DNAJC25: variants seen among roughly 807,000 people sequenced by gnomAD.
The protein encoded by DNAJC25 is dnaJ homolog subfamily C member 25.
Under a neutral mutation model 42.1 loss-of-function variants are expected in DNAJC25, and 26 were observed. That is an observed-to-expected ratio of 0.62 (90% CI 0.45 to 0.86). The LOEUF (loss-of-function observed/expected upper bound fraction) is 0.86. Ranked by LOEUF, DNAJC25 falls within the 40% of genes least tolerant of loss-of-function variation. The probability of loss-of-function intolerance (pLI) is 0.00; values close to 1 mark genes in which losing one functional copy is unlikely to be tolerated. For synonymous variants in DNAJC25, 189 were observed against 179.9 expected (o/e 1.05, Z -0.40); for missense variants, 404 against 459.4 (o/e 0.88, Z 1.10).
intron 3 of DNAJC25, among the ~76,000 whole-genome samples, chr9:111,651,536 C>T (rs1830661229): frequency 1.3e-5 from 2 of 152,034 alleles, no homozygotes; most frequent in South Asian, 4.1e-4. Flanking sequence ...TTTGATGTGG[C>T]TGTGAAACTG....
chr9:111,637,098 T>C (rs1830373499), intron 1 of DNAJC25, among the ~76,000 whole-genome samples: 1 of 152,198 alleles, frequency 6.6e-6, no homozygotes, highest in African/African-American at 2.4e-5. Context: ...TTAATTTAGC[T>C]TGTACAGATT....
chr9:111,651,778 C>T (rs938890685), intron 3 of DNAJC25, among the ~76,000 whole-genome samples: 15 of 148,756 alleles, frequency 1.0e-4, no homozygotes, highest in African/African-American at 2.7e-4. Context: ...CCTAGCTACT[C>T]GGAGGTTACA....
chr9:111,636,016 GAC>G (rs1357788070), intron 1 of DNAJC25, among the ~76,000 whole-genome samples: 1 of 152,198 alleles, frequency 6.6e-6, no homozygotes, highest in Non-Finnish European at 1.5e-5. Context: ...CAAAGGAAAA[GAC>G]ACAGTTTCTG....
At chr9:111,652,952 T>G (rs1830686257) in intron 3 of DNAJC25, 148 bp from the exon 4 acceptor site, 1 of 612,048 alleles carries the variant, frequency 1.6e-6, no homozygotes. Flanking sequence ...AATGCTTAAT[T>G]GTTTAGTATT....
Position 111,653,474 on chromosome 9 carries a change from C to T in DNAJC25, c.*252C>T. The T allele has an allele frequency of 3.2e-6, 1 of 309,768 alleles. No individual in the cohort carries two copies. The allele number at this position is 309,768 out of a possible 1,614,324, so 19.2% of individuals were successfully genotyped here. On this transcript the variant is annotated 3_prime_UTR_variant, in exon 4 of 4. Coordinates refer to ENST00000313525, the MANE Select transcript of DNAJC25 (RefSeq NM_001015882.3). ...TTTCACATGAAGATTTATTAGTTGCCATTTAAAATTTTTATATGTTTAGTT... is the reference window on the plus strand; with the variant it reads ...TTTCACATGAAGATTTATTAGTTGCTATTTAAAATTTTTATATGTTTAGTT...
chr9:111,652,593 G>T (rs1198014268), intron 3 of DNAJC25, among the ~76,000 whole-genome samples: 1 of 150,252 alleles, frequency 6.7e-6, no homozygotes, highest in Non-Finnish European at 1.5e-5. Context: ...CCAGGCTGGA[G>T]TGCAATGGCA....
chr9:111,648,215 C>A (rs142728641), intron 2 of DNAJC25, among the ~76,000 whole-genome samples: 2 of 152,056 alleles, frequency 1.3e-5, no homozygotes, highest in African/African-American at 2.4e-5. Context: ...ATGAAGCAAT[C>A]TGCTTGTTTG....
rs145906382 is a variant in DNAJC25, at chr9:111,642,792, A to C, written c.337-4315A>C. The C allele has an allele frequency of 8.7e-4, 408 of 469,174 alleles. 1 individual carries two copies. Among genetic ancestry groups the C allele is most frequent in the African/African-American group, 6.7e-3 (337 of 50,190 alleles). 29.1% of individuals were successfully genotyped at this position (469,174 alleles called of 1,614,324 possible). A position where few individuals can be genotyped will look rare whatever the true frequency, so the allele number is the denominator to read the frequency against. On this transcript the variant is annotated intron_variant, in intron 1 of 3. Transcript: ENST00000313525. ...GACCCTTTAAGAGAAGGAAGGATTC[A>C]GTACTTTCTTTGCTTGTGGGTTTCC...
intron 1 of DNAJC25, chr9:111,642,724 A>G (rs1033136213): frequency 7.4e-6 from 2 of 270,822 alleles, no homozygotes; most frequent in African/African-American, 4.4e-5. Context: ...ATTTCCTTCA[A>G]GGGCAGGAAC....
intron 1 of DNAJC25, among the ~76,000 whole-genome samples, chr9:111,643,475 T>G (rs1830514943): frequency 6.6e-6 from 1 of 152,178 alleles, no homozygotes; most frequent in African/African-American, 2.4e-5. Flanking sequence ...GGCAGTAATG[T>G]TTACATTCTA....
chr9:111,645,389 G>T (rs1830554047), intron 1 of DNAJC25, among the ~76,000 whole-genome samples: 1 of 151,906 alleles, frequency 6.6e-6, no homozygotes, highest in Admixed American at 6.6e-5. Context: ...CGAGTAGCTG[G>T]GATTATAAGC....
chr9:111,634,121 C>T (rs923871855), intron 1 of DNAJC25, among the ~76,000 whole-genome samples: 5 of 152,100 alleles, frequency 3.3e-5, no homozygotes, highest in African/African-American at 1.2e-4. Context: ...ATATTTTGGA[C>T]CCTGGAAAAT....
chr9:111,647,393 G>A, intron 2 of DNAJC25, 134 bp downstream of exon 2: 2 of 1,157,866 alleles, frequency 1.7e-6, no homozygotes, highest in Non-Finnish European at 2.4e-6. Context: ...TTTAGTCATT[G>A]GCAATGTTGG....
chr9:111,631,432 G>C lies in DNAJC25; in HGVS notation c.25G>C (p.Gly9Arg). 4 of 1,297,698 alleles carry C rather than the reference G, an allele frequency of 3.1e-6. No individual in the cohort carries two copies. The highest frequency in any genetic ancestry group is 3.1e-5 in the African/African-American group (2 of 64,668). The allele number at this position is 1,297,698 out of a possible 1,614,324, so 80.4% of individuals were successfully genotyped here. A position where few individuals can be genotyped will look rare whatever the true frequency, so the allele number is the denominator to read the frequency against. MGAPLLSP[G>R]WGAGAAGRRW... is the part of the protein sequence containing the mutation. The stretch of plus-strand genomic sequence containing the variant: ...GATGGGGGCGCCGCTGCTCTCTCCC[G>C]GCTGGGGAGCCGGGGCTGCCGGCCG... The change falls in exon 1 of 4, where the codon GGC becomes CGC. Residue 9 changes from glycine (G) to arginine (R), a missense_variant. By Grantham distance (125) the Gly-to-Arg change is moderately radical (BLOSUM62 -2). Coordinates refer to ENST00000313525, the MANE Select transcript of DNAJC25 (RefSeq NM_001015882.3).
chr9:111,643,404 A>G (rs1024900534), intron 1 of DNAJC25, among the ~76,000 whole-genome samples: 2 of 152,244 alleles, frequency 1.3e-5, no homozygotes, highest in African/African-American at 4.8e-5. Context: ...TGATGATTAC[A>G]ATGTGATAAG....
chr9:111,634,464 G>C (rs942476961), intron 1 of DNAJC25, among the ~76,000 whole-genome samples: 3 of 152,168 alleles, frequency 2.0e-5, no homozygotes, highest in Admixed American at 6.5e-5. Context: ...ATGGCTGTTT[G>C]TTTGGATTGT....
At chr9:111,646,923 T>G (rs1335612342) in intron 1 of DNAJC25, 184 bp from the exon 2 acceptor site, 3 of 519,000 alleles carry the variant, frequency 5.8e-6, no homozygotes, top group South Asian at 1.0e-4. Flanking sequence ...TATCTAACAT[T>G]GAAGTTCTGA....
intron 1 of DNAJC25, among the ~76,000 whole-genome samples, chr9:111,637,494 T>G (rs1331964424): frequency 4.6e-5 from 7 of 152,238 alleles, no homozygotes; most frequent in Admixed American, 2.0e-4. Context: ...AATCTTCTTC[T>G]GTCATTCCTC....
chr9:111,641,630 G>A, intron 1 of DNAJC25, among the ~76,000 whole-genome samples: 1 of 145,178 alleles, frequency 6.9e-6, no homozygotes, highest in South Asian at 2.1e-4. Flanking sequence ...GGAGGTGGGG[G>A]GGTCAGCCCC....
Sources: gnomAD v4.1 joint callset for allele counts (sites outside exome capture counted in the v4.1 genomes callset) on GRCh38, gnomAD v4.1.1 for gene constraint, MANE v1.5 for transcripts, NCBI Gene and HGNC (gene_info 2026-07-23, HGNC 2026-07-21) for gene names.